The following GPC6 variants were observed in gnomAD, a reference collection of about 807,000 sequenced individuals.
GPC6 encodes the protein glypican 6.
A neutral mutation model predicts 55.2 loss-of-function variants in GPC6; 14 were observed. The ratio of observed to expected loss-of-function variants is 0.25; its 90% CI spans 0.17 to 0.40. The LOEUF is 0.40. Among genes scored for constraint, GPC6 ranks in the 10% least tolerant of loss-of-function variants. GPC6 has a pLI of 1.00. For synonymous variants in GPC6, 278 were observed against 259.6 expected (o/e 1.07, Z -0.68); for missense variants, 641 against 708.5 (o/e 0.90, Z 1.08).
chr13:93,469,790 G>GT (rs61355546), intron 1 of GPC6, among the ~76,000 whole-genome samples: 8,913 of 151,912 alleles, frequency 0.059, 339 homozygotes, highest in Non-Finnish European at 0.078. Flanking sequence ...TTTACACTAG[G>GT]TTTTTTTTGT....
chr13:93,310,589 A>G (rs1256331789), intron 1 of GPC6, among the ~76,000 whole-genome samples: 1 of 152,196 alleles, frequency 6.6e-6, no homozygotes, highest in Non-Finnish European at 1.5e-5. Flanking sequence ...AATATCCTTC[A>G]AACCAGTCCC....
intron 1 of GPC6, among the ~76,000 whole-genome samples, chr13:93,258,377 G>A (rs918432248): frequency 2.0e-5 from 3 of 152,146 alleles, no homozygotes; most frequent in African/African-American, 7.2e-5. Flanking sequence ...CAGTGCTGAG[G>A]GTCAGGAATA....
intron 1 of GPC6, among the ~76,000 whole-genome samples, chr13:93,324,556 A>ATGTGTGTATATATGTGTGTATATATG (rs1879573261): frequency 7.4e-6 from 1 of 135,058 alleles, no homozygotes; most frequent in African/African-American, 2.9e-5. Flanking sequence ...ATATATATAT[A>ATGTGTGTATATATGTGTGTATATATG]TGTGTATATA....
At chr13:93,696,614 ATTTTT>A (rs144339785) in intron 2 of GPC6, among the ~76,000 whole-genome samples, 5 of 136,654 alleles carry the variant, frequency 3.7e-5, no homozygotes, top group Admixed American at 7.5e-5. Flanking sequence ...ACCTCCATAA[ATTTTT>A]TTTTTTTTTT....
Position 93,713,189 on chromosome 13 carries a change from A to G in GPC6, c.320-116965A>G, listed in dbSNP as rs533094398. On this transcript the variant is annotated intron_variant, in intron 2 of 8. Transcript: ENST00000377047. ...ATAGGATTCAATATTAAGATTAAAA[A>G]TTTAGCAATAAATGCAATTACTGGT... Among the ~76,000 whole-genome samples the G allele has an allele frequency of 1.2e-4, 18 of 151,662 alleles. 1 individual carries two copies. Among genetic ancestry groups the G allele is most frequent in the Non-Finnish European group, 1.5e-5 (1 of 67,770 alleles).
At chr13:93,236,620 C>T (rs1258970775) in intron 1 of GPC6, among the ~76,000 whole-genome samples, 4 of 152,262 alleles carry the variant, frequency 2.6e-5, no homozygotes, top group South Asian at 2.1e-4. Context: ...ATGTAGGTTG[C>T]GTGCTCATTA....
chr13:93,554,995 G>C (rs946888182), intron 2 of GPC6, among the ~76,000 whole-genome samples: 2 of 151,938 alleles, frequency 1.3e-5, no homozygotes, highest in African/African-American at 4.8e-5. Context: ...CAGTCCAGTA[G>C]AATATAAACG....
intron 7 of GPC6, among the ~76,000 whole-genome samples, chr13:94,396,799 G>A (rs1377420297): frequency 6.6e-6 from 1 of 152,190 alleles, no homozygotes; most frequent in African/African-American, 2.4e-5. Context: ...GCTATAACAT[G>A]TGAATTCTAG....
At chr13:94,154,129 C>T (rs1374365716) in intron 4 of GPC6, 1 of 152,016 alleles carries the variant, frequency 6.6e-6, no homozygotes, top group Non-Finnish European at 1.5e-5. Flanking sequence ...TAATATTTAT[C>T]CCAGATGAGA....
intron 1 of GPC6, among the ~76,000 whole-genome samples, chr13:93,421,384 C>T (rs1400850393): frequency 6.6e-6 from 1 of 152,060 alleles, no homozygotes; most frequent in Non-Finnish European, 1.5e-5. Flanking sequence ...AATGGTAGTA[C>T]TGGCTTTTAG....
chr13:94,302,995 AG>A (rs1566652742), intron 5 of GPC6, among the ~76,000 whole-genome samples: 1 of 152,250 alleles, frequency 6.6e-6, no homozygotes, highest in Non-Finnish European at 1.5e-5. Flanking sequence ...TGGAGCGGCA[AG>A]GGGCACCTCG....
intron 1 of GPC6, among the ~76,000 whole-genome samples, chr13:93,506,759 G>C (rs139838741): frequency 1.1e-3 from 167 of 150,612 alleles, no homozygotes; most frequent in African/African-American, 4.0e-3. Context: ...GCCCGGAGTA[G>C]GCCGGGCGTG....
chr13:93,486,951 A>G (rs1566381754), intron 1 of GPC6, among the ~76,000 whole-genome samples: 1 of 151,920 alleles, frequency 6.6e-6, no homozygotes, highest in Non-Finnish European at 1.5e-5. Context: ...CTCAAAAAAA[A>G]AAAAAACAAA....
At chr13:93,284,893 A>G (rs1878060666) in intron 1 of GPC6, among the ~76,000 whole-genome samples, 1 of 152,166 alleles carries the variant, frequency 6.6e-6, no homozygotes, top group Non-Finnish European at 1.5e-5. Flanking sequence ...AGAGGTTGTT[A>G]TATGGTCTGG....
At chr13:93,432,602 A>G (rs1877403102) in intron 1 of GPC6, among the ~76,000 whole-genome samples, 1 of 152,166 alleles carries the variant, frequency 6.6e-6, no homozygotes, top group South Asian at 2.1e-4. Flanking sequence ...TTTAAACCAC[A>G]ATGGCGTTAC....
At chr13:93,658,038 A>C (rs562910102) in intron 2 of GPC6, among the ~76,000 whole-genome samples, 7 of 152,070 alleles carry the variant, frequency 4.6e-5, no homozygotes, top group African/African-American at 1.7e-4. Flanking sequence ...GAAAGCAGTA[A>C]ACCTGCACAT....
At chr13:94,335,073 G>A (rs528008763) in intron 6 of GPC6, among the ~76,000 whole-genome samples, 1 of 152,266 alleles carries the variant, frequency 6.6e-6, no homozygotes, top group East Asian at 1.9e-4. Flanking sequence ...GGAGTGTGCT[G>A]CGGCCCAAAG....
At chr13:93,556,308 G>A (rs1875460117) in intron 2 of GPC6, among the ~76,000 whole-genome samples, 1 of 149,988 alleles carries the variant, frequency 6.7e-6, no homozygotes, top group Non-Finnish European at 1.5e-5. Flanking sequence ...TTTTTTGCTA[G>A]GATGATATGT....
intron 5 of GPC6, among the ~76,000 whole-genome samples, chr13:94,300,013 A>T (rs561924139): frequency 6.6e-6 from 1 of 152,348 alleles, no homozygotes; most frequent in East Asian, 1.9e-4. Context: ...AAATCTAATT[A>T]AATCCAGGTA....
Sources: gnomAD v4.1 joint callset for allele counts (sites outside exome capture counted in the v4.1 genomes callset) on GRCh38, gnomAD v4.1.1 for gene constraint, MANE v1.5 for transcripts, NCBI Gene and HGNC (gene_info 2026-07-23, HGNC 2026-07-21) for gene names.